The following DPP10 variants were observed in gnomAD, a reference collection of about 807,000 sequenced individuals.
DPP10 encodes inactive dipeptidyl peptidase 10.
Under a neutral mutation model 120.9 loss-of-function variants are expected in DPP10, and 33 were observed. The observed-to-expected ratio is 0.27, with a 90% confidence interval of 0.21 to 0.37. The LOEUF (loss-of-function observed/expected upper bound fraction) is 0.37. DPP10 is among the 10% of genes least tolerant of loss of function. The pLI is 1.00. For synonymous variants in DPP10, 337 were observed against 326.1 expected, an observed-to-expected ratio of 1.03 and a Z score of -0.36; for missense variants, 816 against 942.8, an observed-to-expected ratio of 0.87 and a Z score of 1.76.
At chr2:115,384,143 C>G (rs148988518) in intron 3 of DPP10, among the ~76,000 whole-genome samples, 5 of 152,312 alleles carry the variant, frequency 3.3e-5, no homozygotes, top group Admixed American at 3.3e-4. Flanking sequence ...GCTCTCCTGT[C>G]TTCTGCTCCT....
At chr2:115,572,163 T>A (rs2081371774) in intron 5 of DPP10, among the ~76,000 whole-genome samples, 1 of 152,052 alleles carries the variant, frequency 6.6e-6, no homozygotes, top group Admixed American at 6.5e-5. Context: ...TAACAATAAA[T>A]GCATTTTTAT....
At chr2:114,942,300 T>TATATATATATATATATATATATACAC (rs1553458469) in intron 1 of DPP10, among the ~76,000 whole-genome samples, 2 of 110,618 alleles carry the variant, frequency 1.8e-5, no homozygotes, top group Non-Finnish European at 3.7e-5. Flanking sequence ...TATATATACA[T>TATATATATATATATATATATATACAC]ATATATATAT....
intron 5 of DPP10, among the ~76,000 whole-genome samples, chr2:115,659,594 C>T (rs1229040236): frequency 1.3e-5 from 2 of 152,092 alleles, no homozygotes; most frequent in African/African-American, 4.8e-5. Context: ...CTACTCTTTT[C>T]CAAATGACTA....
chr2:114,819,761 A>C (rs1426108792), intron 1 of DPP10, among the ~76,000 whole-genome samples: 1 of 152,124 alleles, frequency 6.6e-6, no homozygotes, highest in Non-Finnish European at 1.5e-5. Flanking sequence ...CCAATTCCCC[A>C]TTGCTCTCCT....
At chr2:114,872,436 C>A (rs1351958648) in intron 1 of DPP10, among the ~76,000 whole-genome samples, 1 of 152,106 alleles carries the variant, frequency 6.6e-6, no homozygotes, top group East Asian at 1.9e-4. Context: ...AATTACAATT[C>A]AAGATGAGAT....
At chr2:114,697,969 A>G (rs935003845) in intron 1 of DPP10, among the ~76,000 whole-genome samples, 2 of 152,054 alleles carry the variant, frequency 1.3e-5, no homozygotes, top group African/African-American at 4.8e-5. Flanking sequence ...AAATGTTTAC[A>G]ATTCCACTGT....
chr2:115,795,487 TC>T (rs1296078420), intron 19 of DPP10, among the ~76,000 whole-genome samples: 2 of 152,162 alleles, frequency 1.3e-5, no homozygotes, highest in Non-Finnish European at 2.9e-5. Flanking sequence ...AGTCTTATCT[TC>T]CTGGAGCTTT....
intron 3 of DPP10, among the ~76,000 whole-genome samples, chr2:115,412,658 A>G (rs1391764529): frequency 6.6e-6 from 1 of 152,150 alleles, no homozygotes; most frequent in Admixed American, 6.6e-5. Flanking sequence ...TTGGCACAGG[A>G]CTAAGTTATT....
chr2:115,660,230 A>G (rs866382051), intron 5 of DPP10, among the ~76,000 whole-genome samples: 5 of 152,260 alleles, frequency 3.3e-5, no homozygotes, highest in South Asian at 4.1e-4. Flanking sequence ...AACTCCAACT[A>G]TGGTAATTGT....
intron 1 of DPP10, among the ~76,000 whole-genome samples, chr2:114,499,398 T>C (rs1682958879): frequency 1.3e-5 from 2 of 152,230 alleles, no homozygotes; most frequent in South Asian, 2.1e-4. Flanking sequence ...ATAACGTCAG[T>C]TGGCCTCTTT....
At chr2:115,842,107 A>G (rs1690209742) in intron 25 of DPP10, 104 bp from the exon 26 acceptor site, 1 of 1,218,254 alleles carries the variant, frequency 8.2e-7, no homozygotes, top group African/African-American at 1.5e-5. Context: ...TTTTGGTCAG[A>G]TATTATTACT....
At chr2:115,825,745 A>G (rs1688245546) in intron 21 of DPP10, among the ~76,000 whole-genome samples, 1 of 152,188 alleles carries the variant, frequency 6.6e-6, no homozygotes, top group Non-Finnish European at 1.5e-5. Context: ...TACTTTTTCT[A>G]TCAACTAATG....
At chr2:115,743,175 C>T (rs1162528414) in intron 9 of DPP10, among the ~76,000 whole-genome samples, 1 of 151,970 alleles carries the variant, frequency 6.6e-6, no homozygotes, top group African/African-American at 2.4e-5. Flanking sequence ...AATCTGCAAA[C>T]TCTTGAAATT....
chr2:114,612,952 T>G (rs1396268937), intron 1 of DPP10, among the ~76,000 whole-genome samples: 1 of 152,206 alleles, frequency 6.6e-6, no homozygotes, highest in Non-Finnish European at 1.5e-5. Flanking sequence ...CTGTTAAAAC[T>G]ATGAGAATAC....
At chr2:115,747,895 G>T (rs1013988752) in intron 10 of DPP10, among the ~76,000 whole-genome samples, 1 of 151,982 alleles carries the variant, frequency 6.6e-6, no homozygotes, top group African/African-American at 2.4e-5. Context: ...GGCTGGCCCC[G>T]CTTGTCTTGA....
intron 1 of DPP10, among the ~76,000 whole-genome samples, chr2:114,834,263 A>ATCTACACACCTATGTTTATATAAGCCATG (rs1558790101): frequency 2.8e-5 from 3 of 106,050 alleles, no homozygotes; most frequent in African/African-American, 1.2e-4. Context: ...TATAAGACAT[A>ATCTACACACCTATGTTTATATAAGCCATG]TCTACACACC....
rs147541144 is a variant in DPP10 at position 114,767,704 on chromosome 2, G to A, written c.60+324866G>A. ...GGTGAAATCATGGTCTTTGGGAGTA[G>A]GCCTAGACATAAGAACTTTTAATAC... On this transcript the variant is annotated intron_variant, in intron 1 of 25. Transcript: ENST00000410059. 1.1e-3 allele frequency among the ~76,000 whole-genome samples: 175 copies of A among 152,262 alleles called. 1 individual carries two copies. Among genetic ancestry groups the A allele is most frequent in the African/African-American group, 3.8e-3 (156 of 41,546 alleles).
Position 115,753,171 on chromosome 2 carries a change from T to C in DPP10, c.951-3T>C. 1.2e-6 allele frequency: 2 copies of C among 1,607,190 alleles called. No individual in the cohort carries two copies. Among genetic ancestry groups the C allele is most frequent in the South Asian group, 2.2e-5 (2 of 90,110 alleles). On this transcript the variant is annotated splice_polypyrimidine_tract_variant and splice_region_variant and intron_variant, in intron 10 of 25. Transcript: ENST00000410059. ...ATACATTTTAATTTTGTTTCCAAAC[T>C]AGAGAATACTATATCACTATGGTTA...
chr2:114,554,659 C>T (rs963207095), intron 1 of DPP10, among the ~76,000 whole-genome samples: 2 of 152,156 alleles, frequency 1.3e-5, no homozygotes, highest in East Asian at 3.8e-4. Context: ...TTATAGAGAA[C>T]ACACTATCTA....
Sources: allele counts gnomAD v4.1 joint callset (sites outside exome capture counted in the v4.1 genomes callset), GRCh38; gene constraint gnomAD v4.1.1; transcripts MANE v1.5; gene names NCBI Gene and HGNC (gene_info 2026-07-23, HGNC 2026-07-21).